Variants in HIP1 observed in about 807,000 individuals in gnomAD.
HIP1 encodes the protein huntingtin-interacting protein 1.
HIP1 carries 65 observed loss-of-function variants against 147.6 expected under a neutral mutation model. That is an observed-to-expected ratio of 0.44 (90% CI 0.36 to 0.54). HIP1 has a LOEUF of 0.54. Ranked by LOEUF, HIP1 falls within the 20% of genes least tolerant of loss-of-function variation. The probability of loss-of-function intolerance (pLI) is 0.00; values close to 1 mark genes in which losing one functional copy is unlikely to be tolerated. For missense variants in HIP1, 1,061 were observed against 1,299.6 expected (o/e 0.82, Z 2.82); for synonymous variants, 479 against 504.0 (o/e 0.95, Z 0.67).
chr7:75,561,801 C>A (rs961283340), intron 12 of HIP1, among the ~76,000 whole-genome samples: 1 of 152,072 alleles, frequency 6.6e-6, no homozygotes, highest in African/African-American at 2.4e-5. Flanking sequence ...TACCACCTGC[C>A]CAGCTAATTT....
At chr7:75,645,162 C>T (rs571147308) in intron 1 of HIP1, among the ~76,000 whole-genome samples, 1 of 152,084 alleles carries the variant, frequency 6.6e-6, no homozygotes, top group Non-Finnish European at 1.5e-5. Context: ...TAGCATAGTA[C>T]CAGGCACTAT....
intron 1 of HIP1, among the ~76,000 whole-genome samples, chr7:75,701,354 A>T (rs1175450794): frequency 6.6e-6 from 1 of 152,062 alleles, no homozygotes; most frequent in African/African-American, 2.4e-5. Context: ...AGATCCTGCC[A>T]CTGCACTCCA....
chr7:75,734,245 CAAATAAAT>C (rs57376870), intron 1 of HIP1, among the ~76,000 whole-genome samples: 1,936 of 140,300 alleles, frequency 0.014, 34 homozygotes, highest in African/African-American at 0.045. Context: ...GACTCTGTCT[CAAATAAAT>C]AAATAAATAA....
At chr7:75,700,858 A>G (rs902270863) in intron 1 of HIP1, among the ~76,000 whole-genome samples, 36 of 151,994 alleles carry the variant, frequency 2.4e-4, no homozygotes, top group African/African-American at 8.4e-4. Context: ...GGCACCCGCC[A>G]CCACACCCGG....
chr7:75,692,445 G>A (rs1433806835), intron 1 of HIP1, among the ~76,000 whole-genome samples: 6 of 150,632 alleles, frequency 4.0e-5, no homozygotes, highest in Non-Finnish European at 8.9e-5. Context: ...TTTTGAGACA[G>A]ATTCTTGTTC....
At chr7:75,662,737 C>G (rs1159741727) in intron 1 of HIP1, among the ~76,000 whole-genome samples, 1 of 152,144 alleles carries the variant, frequency 6.6e-6, no homozygotes, top group Non-Finnish European at 1.5e-5. Context: ...AACTCCTGAC[C>G]TCAAATGATC....
At chr7:75,652,209 C>T (rs1191109849) in intron 1 of HIP1, among the ~76,000 whole-genome samples, 7 of 147,582 alleles carry the variant, frequency 4.7e-5, no homozygotes, top group African/African-American at 5.0e-5. Flanking sequence ...CCCAGCTACT[C>T]GGGAGGCTGA....
intron 1 of HIP1, among the ~76,000 whole-genome samples, chr7:75,692,351 T>G (rs1554518239): frequency 6.6e-6 from 1 of 151,776 alleles, no homozygotes; most frequent in African/African-American, 2.4e-5. Context: ...TTCCAACTCC[T>G]GGGCTCAAGC....
At position 75,638,123 on chromosome 7, in the gene HIP1, C is replaced by A. The variant is rs561655392; in HGVS notation, c.121-38876G>T. Among the ~76,000 whole-genome samples, 593 of 151,764 alleles carry A rather than the reference C, an allele frequency of 3.9e-3. 7 individuals carry two copies. Among genetic ancestry groups the A allele is most frequent in the Non-Finnish European group, 3.2e-3 (214 of 67,914 alleles). ...ACACAGGCCCTTGAGGGTTGCAAGG[C>A]TGGACGGTAGGGACAGTACCCTGGT... On this transcript the variant is annotated intron_variant, in intron 1 of 30. Coordinates refer to ENST00000336926, the MANE Select transcript of HIP1 (RefSeq NM_005338.7).
chr7:75,646,056 C>G (rs1437789991), intron 1 of HIP1, among the ~76,000 whole-genome samples: 1 of 152,096 alleles, frequency 6.6e-6, no homozygotes, highest in Admixed American at 6.6e-5. Flanking sequence ...TGTAACAAAC[C>G]TGCACATGTA....
At chr7:75,541,135 G>T (rs1258953865) in intron 29 of HIP1, among the ~76,000 whole-genome samples, 1 of 151,694 alleles carries the variant, frequency 6.6e-6, no homozygotes, top group Admixed American at 6.6e-5. Context: ...GGTGGCTCAC[G>T]CCTGTAATCC....
chr7:75,680,776 A>C (rs1358326034), intron 1 of HIP1, among the ~76,000 whole-genome samples: 1 of 150,320 alleles, frequency 6.7e-6, no homozygotes, highest in African/African-American at 2.5e-5. Flanking sequence ...CGCCCGGCTA[A>C]ATTTTTGTTT....
chr7:75,699,505 G>A (rs559039793), intron 1 of HIP1, among the ~76,000 whole-genome samples: 31 of 152,292 alleles, frequency 2.0e-4, no homozygotes, highest in African/African-American at 5.5e-4. Flanking sequence ...GGATGGTGAC[G>A]TCTGTGGGGA....
At chr7:75,574,855 T>C (rs1795782927) in intron 7 of HIP1, among the ~76,000 whole-genome samples, 1 of 151,946 alleles carries the variant, frequency 6.6e-6, no homozygotes, top group South Asian at 2.1e-4. Flanking sequence ...TTCATTTTTT[T>C]CCTCTTTACG....
At chr7:75,647,428 G>C (rs1425884533) in intron 1 of HIP1, among the ~76,000 whole-genome samples, 1 of 151,780 alleles carries the variant, frequency 6.6e-6, no homozygotes, top group Non-Finnish European at 1.5e-5. Flanking sequence ...ACAAAAAACT[G>C]TGCACAAACC....
At chr7:75,644,946 A>C (rs546596073) in intron 1 of HIP1, among the ~76,000 whole-genome samples, 9 of 152,312 alleles carry the variant, frequency 5.9e-5, no homozygotes, top group Admixed American at 3.9e-4. Flanking sequence ...CTTTGACTCA[A>C]ATGAGAAAAG....
chr7:75,637,536 ATTTTTTTTTTT>A lies in HIP1; in HGVS notation c.121-38300_121-38290del, dbSNP rs869251770. Among the ~76,000 whole-genome samples, 12 of 70,892 alleles carry A rather than the reference ATTTTTTTTTTT, an allele frequency of 1.7e-4. No homozygotes were observed. In the South Asian group the frequency reaches 6.5e-3, roughly 38 times the overall value. The allele number at this position is 70,892 out of a possible 152,430, so 46.5% of individuals were successfully genotyped here. ...CTCCACCCCCATAGCTGCAGAGAGGATTTTTTTTTTTTTTTTTTTTTTTTTTTGAGAGGGAG... is the reference window on the plus strand; with the variant it reads ...CTCCACCCCCATAGCTGCAGAGAGGATTTTTTTTTTTTTTTTGAGAGGGAG... On this transcript the variant is annotated intron_variant, in intron 1 of 30. Coordinates refer to ENST00000336926, the MANE Select transcript of HIP1 (RefSeq NM_005338.7).
At chr7:75,642,062 T>C (rs1177381481) in intron 1 of HIP1, among the ~76,000 whole-genome samples, 1 of 152,036 alleles carries the variant, frequency 6.6e-6, no homozygotes. Flanking sequence ...ACACATCTAA[T>C]TGTGACTCCC....
intron 1 of HIP1, among the ~76,000 whole-genome samples, chr7:75,706,473 C>CTTTTTTTTTTTTTTTT: frequency 7.2e-6 from 1 of 138,098 alleles, no homozygotes; most frequent in Non-Finnish European, 1.5e-5. Flanking sequence ...TATATATCTT[C>CTTTTTTTTTTTTTTTT]TTTTTTTTTA....
Sources: allele counts gnomAD v4.1 joint callset (sites outside exome capture counted in the v4.1 genomes callset), GRCh38; gene constraint gnomAD v4.1.1; transcripts MANE v1.5; gene names NCBI Gene and HGNC (gene_info 2026-07-23, HGNC 2026-07-21).